RB1: variants seen among roughly 807,000 people sequenced by gnomAD.
RB1 encodes the protein RB transcriptional corepressor 1.
Under a neutral mutation model 135.4 loss-of-function variants are expected in RB1, and 18 were observed. That is an observed-to-expected ratio of 0.13 (90% CI 0.09 to 0.20). RB1 has a LOEUF of 0.20. RB1 is among the 10% of genes least tolerant of loss of function. The probability of loss-of-function intolerance (pLI) is 1.00; values close to 1 mark genes in which losing one functional copy is unlikely to be tolerated. For missense variants in RB1, 868 were observed against 1,110.0 expected (o/e 0.78, Z 3.10); for synonymous variants, 365 against 373.2 (o/e 0.98, Z 0.25).
chr13:48,364,794 G>T, intron 8 of RB1, 100 bp from the exon 9 acceptor site: 1 of 1,334,092 alleles, frequency 7.5e-7, no homozygotes, highest in Non-Finnish European at 1.0e-6. Flanking sequence ...TTACTGCATG[G>T]GGGATTGACA....
rs4151484 is a variant in RB1 at position 48,361,986 on chromosome 13, G to A, written c.719-829G>A. 6.0e-3 allele frequency among the ~76,000 whole-genome samples: 828 copies of A among 138,630 alleles called. 5 individuals are homozygous for A. Among genetic ancestry groups the A allele is most frequent in the Middle Eastern group, 0.012 (3 of 248 alleles). 90.9% of individuals were successfully genotyped at this position (138,630 alleles called of 152,430 possible). A position where few individuals can be genotyped will look rare whatever the true frequency, so the allele number is the denominator to read the frequency against. On this transcript the variant is annotated intron_variant, in intron 7 of 26. Coordinates refer to ENST00000267163, the MANE Select transcript of RB1 (RefSeq NM_000321.3). ...GAGGCAGAGTCTCACTCACTCTGTC[G>A]CCCAGGCCTGGAGTTCAGTGGCGCG...
At chr13:48,341,947 G>A (rs1952446272) in intron 2 of RB1, among the ~76,000 whole-genome samples, 1 of 151,762 alleles carries the variant, frequency 6.6e-6, no homozygotes, top group Admixed American at 6.6e-5. Context: ...TATATTGTGG[G>A]GAAAAATGTG....
intron 1 of RB1, among the ~76,000 whole-genome samples, chr13:48,307,045 A>G (rs1952086649): frequency 6.6e-6 from 1 of 152,206 alleles, no homozygotes; most frequent in Non-Finnish European, 1.5e-5. Flanking sequence ...TTGACTTACC[A>G]TGCAAGCAAA....
chr13:48,382,581 A>T (rs1302814695), intron 17 of RB1, among the ~76,000 whole-genome samples: 1 of 152,104 alleles, frequency 6.6e-6, no homozygotes, highest in Admixed American at 6.6e-5. Context: ...TTCTTTGTAG[A>T]TTCTGGATAT....
At chr13:48,464,524 C>G (rs1949424570) in intron 21 of RB1, among the ~76,000 whole-genome samples, 1 of 152,166 alleles carries the variant, frequency 6.6e-6, no homozygotes, top group Non-Finnish European at 1.5e-5. Flanking sequence ...TACTAAATGT[C>G]TACTTCTTGC....
At position 48,480,099 on chromosome 13, in the gene RB1, G is replaced by A. The variant is rs777078797; in HGVS notation, c.*28G>A. ...ATCTCAGGACCTTGGTGGACACTGT[G>A]TACACCTCTGGATTCATTGTCTCTC... On this transcript the variant is annotated 3_prime_UTR_variant, in exon 27 of 27. Coordinates refer to ENST00000267163, the MANE Select transcript of RB1 (RefSeq NM_000321.3). 19 of 1,556,000 alleles carry A rather than the reference G, an allele frequency of 1.2e-5. No homozygotes were observed. Among genetic ancestry groups the A allele is most frequent in the Admixed American group, 3.3e-5 (2 of 59,790 alleles).
intron 17 of RB1, among the ~76,000 whole-genome samples, chr13:48,448,587 T>C (rs2138321859): frequency 6.6e-6 from 1 of 152,336 alleles, no homozygotes; most frequent in East Asian, 1.9e-4. Context: ...ATGCCTCTTT[T>C]TATTCACAGC....
intron 19 of RB1, among the ~76,000 whole-genome samples, 194 bp downstream of exon 19, chr13:48,456,543 C>T (rs924799140): frequency 6.7e-6 from 1 of 150,286 alleles, no homozygotes; most frequent in Non-Finnish European, 1.5e-5. Flanking sequence ...GTTTTTCTGG[C>T]CGGAAACCTC....
chr13:48,385,811 G>A (rs910438434), intron 17 of RB1, among the ~76,000 whole-genome samples: 3 of 152,084 alleles, frequency 2.0e-5, no homozygotes, highest in African/African-American at 7.2e-5. Context: ...AAAAATAACA[G>A]AATTTAGGAT....
chr13:48,432,880 A>G (rs1949144647), intron 17 of RB1, among the ~76,000 whole-genome samples: 1 of 152,208 alleles, frequency 6.6e-6, no homozygotes, highest in Non-Finnish European at 1.5e-5. Flanking sequence ...GCATAACCCT[A>G]CAACTCTAAT....
At chr13:48,314,409 T>C (rs1274696563) in intron 2 of RB1, among the ~76,000 whole-genome samples, 1 of 152,378 alleles carries the variant, frequency 6.6e-6, no homozygotes, top group East Asian at 1.9e-4. Context: ...TAAATATTTA[T>C]TCTTGGTGAT....
chr13:48,324,139 A>G (rs78714578), intron 2 of RB1, among the ~76,000 whole-genome samples: 2,958 of 152,208 alleles, frequency 0.019, 81 homozygotes, highest in African/African-American at 0.065. Context: ...ATAATGTGTA[A>G]TGACCAAATC....
intron 17 of RB1, among the ~76,000 whole-genome samples, chr13:48,423,077 C>G (rs471911): frequency 0.21 from 32,210 of 152,040 alleles, 3,582 homozygotes; most frequent in South Asian, 0.26. Context: ...CTGCATTGAG[C>G]TATGATTGTA....
At chr13:48,395,606 C>T (rs977122370) in intron 17 of RB1, among the ~76,000 whole-genome samples, 4 of 150,288 alleles carry the variant, frequency 2.7e-5, no homozygotes, top group African/African-American at 4.9e-5. Context: ...ATAGCTGAAT[C>T]GATCAAGCAG....
intron 24 of RB1, among the ~76,000 whole-genome samples, chr13:48,475,239 C>T (rs565273712): frequency 6.6e-6 from 1 of 152,136 alleles, no homozygotes; most frequent in Non-Finnish European, 1.5e-5. Context: ...ATACATTACC[C>T]CCAAACTTAG....
At chr13:48,418,005 C>A (rs928835299) in intron 17 of RB1, among the ~76,000 whole-genome samples, 2 of 152,214 alleles carry the variant, frequency 1.3e-5, no homozygotes, top group African/African-American at 4.8e-5. Context: ...GACAGGCCAA[C>A]ATTCCAATTC....
chr13:48,334,541 C>T (rs986701132), intron 2 of RB1, among the ~76,000 whole-genome samples: 3 of 152,060 alleles, frequency 2.0e-5, no homozygotes, highest in Non-Finnish European at 4.4e-5. Context: ...TCTTTTGACC[C>T]TGAGGTAGAG....
intron 12 of RB1, among the ~76,000 whole-genome samples, chr13:48,376,361 C>T (rs1422949574): frequency 2.0e-5 from 3 of 151,864 alleles, no homozygotes; most frequent in African/African-American, 2.4e-5. Context: ...ATTAGTGAGG[C>T]GTGGTGCGCT....
intron 7 of RB1, chr13:48,360,349 T>C: frequency 1.1e-6 from 1 of 945,488 alleles, no homozygotes; most frequent in African/African-American, 1.7e-5. Context: ...ATACAACAAA[T>C]GGAGGTTTGG....
Sources: gnomAD v4.1 joint callset for allele counts (sites outside exome capture counted in the v4.1 genomes callset) on GRCh38, gnomAD v4.1.1 for gene constraint, MANE v1.5 for transcripts, NCBI Gene and HGNC (gene_info 2026-07-23, HGNC 2026-07-21) for gene names.